Variants in RMST observed in about 807,000 individuals in gnomAD.
RMST encodes rhabdomyosarcoma 2 associated transcript.
chr12:97,513,086 CCG>C (rs1879575982), intron 10 of RMST, among the ~76,000 whole-genome samples: 1 of 152,220 alleles, frequency 6.6e-6, no homozygotes, highest in African/African-American at 2.4e-5. Context: ...CCCGCAAGCA[CCG>C]CGCGCAGCCC....
At chr12:97,463,455 G>A (rs552290131) in intron 4 of RMST, among the ~76,000 whole-genome samples, 1 of 152,168 alleles carries the variant, frequency 6.6e-6, no homozygotes, top group Non-Finnish European at 1.5e-5. Flanking sequence ...TGGAATCGTC[G>A]GAGGTGAAGT....
chr12:97,480,472 TCTTG>T (rs2136418319), intron 5 of RMST, among the ~76,000 whole-genome samples: 1 of 152,308 alleles, frequency 6.6e-6, no homozygotes, highest in African/African-American at 2.4e-5. Context: ...ATGTTTCATC[TCTTG>T]CTTGGACATC....
intron 5 of RMST, among the ~76,000 whole-genome samples, chr12:97,475,373 T>G (rs1874416612): frequency 6.6e-6 from 1 of 152,154 alleles, no homozygotes; most frequent in Non-Finnish European, 1.5e-5. Flanking sequence ...TCAGCTGATG[T>G]CACCTTTTCT....
At chr12:97,514,773 C>A (rs148041607) in intron 10 of RMST, among the ~76,000 whole-genome samples, 3 of 151,322 alleles carry the variant, frequency 2.0e-5, no homozygotes, top group Admixed American at 6.6e-5. Flanking sequence ...AGTGAGACAA[C>A]CTTGGGACTT....
In RMST at chr12:97,499,892, C is replaced by T. The variant is rs188237172; in HGVS notation, n.1340+3836C>T. ...CAGGCTGGTTTTGAGCTCCTGACCT[C>T]GGGCGATCTGCCTGCCTTGGCCTCC... On this transcript the variant is annotated intron_variant and non_coding_transcript_variant, in intron 10 of 13. Transcript: ENST00000640149. Among the ~76,000 whole-genome samples the T allele has an allele frequency of 1.0e-3, 159 of 152,222 alleles. 2 individuals are homozygous for T. In the South Asian group the frequency reaches 0.012, roughly 12 times the overall value.
At chr12:97,496,362 T>A (rs191281082) in intron 10 of RMST, among the ~76,000 whole-genome samples, 22 of 152,196 alleles carry the variant, frequency 1.4e-4, no homozygotes, top group Admixed American at 1.2e-3. Context: ...GTAGTTTTAA[T>A]AATAACTCCT....
intron 10 of RMST, among the ~76,000 whole-genome samples, chr12:97,509,938 A>G (rs1040600813): frequency 1.3e-5 from 2 of 152,218 alleles, no homozygotes; most frequent in Non-Finnish European, 2.9e-5. Flanking sequence ...CTTCCCCACT[A>G]GACTATAGCT....
At chr12:97,512,477 G>GTCTGTTTTGAC (rs1345818152) in intron 10 of RMST, among the ~76,000 whole-genome samples, 1 of 152,136 alleles carries the variant, frequency 6.6e-6, no homozygotes, top group Non-Finnish European at 1.5e-5. Flanking sequence ...GTTTTGACAG[G>GTCTGTTTTGAC]GCACTGATTG....
Position 97,479,333 on chromosome 12 carries a change from G to A in RMST, n.645-13128G>A, listed in dbSNP as rs77745131. 6.9e-3 allele frequency among the ~76,000 whole-genome samples: 1,044 copies of A among 151,702 alleles called. 10 individuals carry two copies. The highest frequency in any genetic ancestry group is 0.011 in the Non-Finnish European group (745 of 67,860). On this transcript the variant is annotated intron_variant and non_coding_transcript_variant, in intron 5 of 13. Coordinates refer to ENST00000640149, the Ensembl canonical transcript of RMST. ...ATTCTTTTATTTTATTAATTTTTTT[G>A]TAGAGATGGGGGTCTCTGTATGTTG...
At chr12:97,503,872 G>A (rs2136486741) in intron 10 of RMST, among the ~76,000 whole-genome samples, 1 of 152,254 alleles carries the variant, frequency 6.6e-6, no homozygotes, top group African/African-American at 2.4e-5. Flanking sequence ...GTCACTGCTT[G>A]ATAAATATAT....
chr12:97,528,499 G>A (rs1678497996), intron 10 of RMST, among the ~76,000 whole-genome samples: 1 of 152,056 alleles, frequency 6.6e-6, no homozygotes, highest in African/African-American at 2.4e-5. Flanking sequence ...TCCACTCAAA[G>A]AGTAAAGATC....
At chr12:97,495,097 G>A (rs1449136944) in intron 9 of RMST, among the ~76,000 whole-genome samples, 1 of 150,594 alleles carries the variant, frequency 6.6e-6, no homozygotes, top group Non-Finnish European at 1.5e-5. Context: ...TTCATCCTTT[G>A]CAGCTTAGAA....
chr12:97,546,440 G>C (rs11109103), intron 11 of RMST, among the ~76,000 whole-genome samples: 138 of 152,080 alleles, frequency 9.1e-4, no homozygotes, highest in South Asian at 7.7e-3. Context: ...AAATTAGCCA[G>C]GCATGGTAGC....
intron 5 of RMST, among the ~76,000 whole-genome samples, chr12:97,487,765 A>G (rs1876275829): frequency 6.6e-6 from 1 of 152,188 alleles, no homozygotes; most frequent in African/African-American, 2.4e-5. Flanking sequence ...CAATGAAACC[A>G]GGTTGCCATG....
chr12:97,468,048 G>A (rs750065329), intron 5 of RMST, among the ~76,000 whole-genome samples: 1 of 151,976 alleles, frequency 6.6e-6, no homozygotes, highest in African/African-American at 2.4e-5. Flanking sequence ...CCAGGGAGGG[G>A]CCCTCTTAGA....
At chr12:97,524,387 A>G (rs1183004417) in intron 10 of RMST, among the ~76,000 whole-genome samples, 2 of 152,144 alleles carry the variant, frequency 1.3e-5, no homozygotes, top group Non-Finnish European at 2.9e-5. Flanking sequence ...ACCTATGTTC[A>G]CTTCATGGAT....
chr12:97,520,801 A>C lies in RMST; in HGVS notation n.1341-9854A>C, dbSNP rs564488788. On this transcript the variant is annotated intron_variant and non_coding_transcript_variant, in intron 10 of 13. Coordinates refer to ENST00000640149, the Ensembl canonical transcript of RMST. ...ATTTAGTCAATTTTATGATAGCATAATATCTTTTTAATAGACCATATTGGA... is the reference window on the plus strand; with the variant it reads ...ATTTAGTCAATTTTATGATAGCATACTATCTTTTTAATAGACCATATTGGA... 6.6e-4 allele frequency among the ~76,000 whole-genome samples: 100 copies of C among 152,302 alleles called. 1 individual carries two copies. The highest frequency in any genetic ancestry group is 2.3e-3 in the African/African-American group (96 of 41,564).
chr12:97,562,025 G>A (rs1004137174), intron 13 of RMST, among the ~76,000 whole-genome samples: 19 of 152,018 alleles, frequency 1.2e-4, no homozygotes, highest in African/African-American at 1.9e-4. Context: ...GGCTGAGTGC[G>A]CCACAGAGGA....
At chr12:97,508,627 A>G (rs952632231) in intron 10 of RMST, among the ~76,000 whole-genome samples, 1 of 152,240 alleles carries the variant, frequency 6.6e-6, no homozygotes, top group Non-Finnish European at 1.5e-5. Flanking sequence ...CCATCCCCTT[A>G]TACTGGCATC....
Sources: allele counts gnomAD v4.1 joint callset (sites outside exome capture counted in the v4.1 genomes callset), GRCh38; gene constraint gnomAD v4.1.1; transcripts MANE v1.5; gene names NCBI Gene and HGNC (gene_info 2026-07-23, HGNC 2026-07-21).